The following PLEKHA4 variants were observed in gnomAD, a reference collection of about 807,000 sequenced individuals.
PLEKHA4 encodes pleckstrin homology domain-containing family A member 4.
A neutral mutation model predicts 94.7 loss-of-function variants in PLEKHA4; 73 were observed. That is an observed-to-expected ratio of 0.77 (90% CI 0.64 to 0.94). The LOEUF (loss-of-function observed/expected upper bound fraction) is 0.94, where lower values mean the gene tolerates loss of function less well. PLEKHA4 is among the 40% of genes least tolerant of loss of function. PLEKHA4 has a pLI of 0.00. For missense variants in PLEKHA4, 1,049 were observed against 1,054.1 expected (o/e 1.00, Z 0.07); for synonymous variants, 449 against 437.1 (o/e 1.03, Z -0.34).
chr19:48,865,915 G>A (rs2036816856), intron 2 of PLEKHA4, among the ~76,000 whole-genome samples: 1 of 151,840 alleles, frequency 6.6e-6, no homozygotes, highest in Non-Finnish European at 1.5e-5. Context: ...TCGGGAGGCT[G>A]AGGCAGGAGA....
chr19:48,865,895 T>G (rs1452513736), intron 2 of PLEKHA4, among the ~76,000 whole-genome samples: 1 of 151,188 alleles, frequency 6.6e-6, no homozygotes, highest in African/African-American at 2.4e-5. Flanking sequence ...GCGCCTGTAG[T>G]CCCAGCTACT....
chr19:48,865,724 T>C (rs2036808588), intron 2 of PLEKHA4, 114 bp from the exon 3 acceptor site: 1 of 676,782 alleles, frequency 1.5e-6, no homozygotes, highest in South Asian at 1.9e-5. Flanking sequence ...GAGAAATGGG[T>C]CAAGGACCAG....
intron 5 of PLEKHA4, 124 bp from the exon 6 acceptor site, chr19:48,860,583 G>C (rs2036597340): frequency 1.4e-6 from 1 of 701,444 alleles, no homozygotes. Flanking sequence ...GATGGCTTGA[G>C]ACCAGCCTAG....
intron 14 of PLEKHA4, 152 bp downstream of exon 14, chr19:48,847,748 A>C (rs1312620040): frequency 7.5e-6 from 7 of 935,920 alleles, no homozygotes; most frequent in Non-Finnish European, 1.0e-5. Flanking sequence ...ACCCCCGAAA[A>C]AAAAGAAAAC....
intron 2 of PLEKHA4, among the ~76,000 whole-genome samples, chr19:48,866,576 G>A (rs1009905809): frequency 3.3e-5 from 5 of 152,194 alleles, no homozygotes; most frequent in Non-Finnish European, 7.3e-5. Context: ...TAAAGTGCTG[G>A]GATTATAGGC....
intron 2 of PLEKHA4, 51 bp from the exon 3 acceptor site, chr19:48,865,661 G>T: frequency 7.4e-7 from 1 of 1,349,492 alleles, no homozygotes; most frequent in Non-Finnish European, 1.1e-6. Flanking sequence ...GGATGGTCCT[G>T]GGAGGGGGTG....
rs2035578110 is a variant in PLEKHA4, at chr19:48,837,513, C to A, written c.2116G>T (p.Val706Leu). 4.3e-6 allele frequency: 7 copies of A among 1,613,062 alleles called. No individual in the cohort carries two copies. The highest frequency in any genetic ancestry group is 1.3e-5 in the African/African-American group (1 of 74,874). Reference protein sequence around the residue: ...LDSQGDPLPGVPLPPSDPTRQ... With the variant: ...LDSQGDPLPGLPLPPSDPTRQ... ...GTGGGGTCCGAAGGAGGCAGCGGCA[C>A]ACCGGGAAGAGGGTCTCCCTGGGAG... The change falls in exon 20 of 20, where the codon GTG becomes TTG. Residue 706 changes from valine (V) to leucine (L), a missense_variant. Physicochemically the swap from Val to Leu is conservative, Grantham distance 32. Coordinates refer to ENST00000263265, the MANE Select transcript of PLEKHA4 (RefSeq NM_020904.3). The surrounding 1 kb of genome is among the most constrained non-coding windows in gnomAD (Gnocchi z 4.3).
At chr19:48,859,233 T>C (rs2036545918) in intron 7 of PLEKHA4, 94 bp from the exon 8 acceptor site, 2 of 1,056,284 alleles carry the variant, frequency 1.9e-6, no homozygotes, top group East Asian at 2.6e-5. Context: ...CATGTCTCAC[T>C]TCACTGTGTC....
At chr19:48,851,989 C>CGA in intron 13 of PLEKHA4, among the ~76,000 whole-genome samples, 1 of 151,638 alleles carries the variant, frequency 6.6e-6, no homozygotes, top group African/African-American at 2.4e-5. Flanking sequence ...GATAACAGCT[C>CGA]GAGAAAACGG....
intron 17 of PLEKHA4, among the ~76,000 whole-genome samples, chr19:48,840,725 G>A (rs548847612): frequency 1.5e-4 from 23 of 152,108 alleles, no homozygotes; most frequent in South Asian, 1.0e-3. Context: ...ATGCCCGGCC[G>A]AAAAAGGAAA....
In PLEKHA4 at chr19:48,857,410, C is replaced by G; in HGVS notation, c.1047+12G>C. The G allele has an allele frequency of 6.8e-7, 1 of 1,468,540 alleles. No individual in the cohort carries two copies. The highest frequency in any genetic ancestry group is 9.2e-7 in the Non-Finnish European group (1 of 1,081,856). 91.0% of individuals were successfully genotyped at this position (1,468,540 alleles called of 1,614,324 possible). On this transcript the variant is annotated intron_variant, in intron 9 of 19. Coordinates refer to ENST00000263265, the MANE Select transcript of PLEKHA4 (RefSeq NM_020904.3). ...GGGCTCCGGTAGATTTAGGGTACTCCAGGATACCTACCAATAAAACCATGG... is the reference window on the plus strand; with the variant it reads ...GGGCTCCGGTAGATTTAGGGTACTCGAGGATACCTACCAATAAAACCATGG...
chr19:48,852,216 G>C lies in PLEKHA4; in HGVS notation c.1425+12C>G. ...TGGGGGTGGGTCTTGGGGTCTCCAA[G>C]CAGCGATTTACCTGGGGAGAACCAA... On this transcript the variant is annotated intron_variant, in intron 13 of 19. Coordinates refer to ENST00000263265, the MANE Select transcript of PLEKHA4 (RefSeq NM_020904.3). The C allele has an allele frequency of 6.2e-7, 1 of 1,609,352 alleles. No homozygotes were observed. The highest frequency in any genetic ancestry group is 8.5e-7 in the Non-Finnish European group (1 of 1,175,680).
intron 13 of PLEKHA4, among the ~76,000 whole-genome samples, chr19:48,849,044 C>T (rs34079307): frequency 0.14 from 21,877 of 151,770 alleles, 1,979 homozygotes; most frequent in African/African-American, 0.25. Context: ...GGACCACAGG[C>T]GTGCACAACC....
intron 13 of PLEKHA4, 30 bp downstream of exon 13, chr19:48,852,198 G>A (rs765425467): frequency 8.0e-5 from 122 of 1,530,138 alleles, no homozygotes; most frequent in East Asian, 1.1e-4. Context: ...AGTTGGGGGT[G>A]GGTCTTGGGG....
At chr19:48,851,594 C>T (rs192800281) in intron 13 of PLEKHA4, among the ~76,000 whole-genome samples, 3 of 151,560 alleles carry the variant, frequency 2.0e-5, no homozygotes, top group Non-Finnish European at 2.9e-5. Flanking sequence ...CCAGCCCGGG[C>T]AACAAGAGTA....
At chr19:48,854,696 CTTTTTTTTTTTTTTT>C (rs397859722) in intron 9 of PLEKHA4, among the ~76,000 whole-genome samples, 1 of 81,322 alleles carries the variant, frequency 1.2e-5, no homozygotes, top group Non-Finnish European at 2.3e-5. Flanking sequence ...CATGCCTGGC[CTTTTTTTTTTTTTTT>C]TTTTTTTTTT....
At chr19:48,865,399 G>T in intron 3 of PLEKHA4, 104 bp downstream of exon 3, 1 of 727,164 alleles carries the variant, frequency 1.4e-6, no homozygotes, top group Non-Finnish European at 2.4e-6. Flanking sequence ...GAGGGGCAGT[G>T]ATAGCAAGAA....
In PLEKHA4 at chr19:48,857,460, G is replaced by C. The variant is rs1431938990; in HGVS notation, c.1009C>G (p.Pro337Ala). 7 of 1,567,650 alleles carry C rather than the reference G, an allele frequency of 4.5e-6. No homozygotes were observed. Among genetic ancestry groups the C allele is most frequent in the Non-Finnish European group, 5.2e-6 (6 of 1,162,372 alleles). ...SGSPTYLQLP[P>A]RPPGTRASMV... ...GAGGCCCGGGTCCCAGGGGGCCGCG[G>C]GGGGAGCTGGAGATAAGTGGGGGAG... Residue 337 changes from proline (P) to alanine (A), a missense_variant, in exon 9 of 20, where the codon CCG becomes GCG. Coordinates refer to ENST00000263265, the MANE Select transcript of PLEKHA4 (RefSeq NM_020904.3).
intron 13 of PLEKHA4, among the ~76,000 whole-genome samples, chr19:48,848,617 C>A (rs2036064952): frequency 6.6e-6 from 1 of 151,312 alleles, no homozygotes; most frequent in Non-Finnish European, 1.5e-5. Context: ...ACATGGTGAA[C>A]CCTCGTGTCT....
Sources: gnomAD v4.1 joint callset for allele counts (sites outside exome capture counted in the v4.1 genomes callset) on GRCh38, gnomAD v4.1.1 for gene constraint, Gnocchi (gnomAD v3.1) non-coding constraint, MANE v1.5 for transcripts, NCBI Gene and HGNC (gene_info 2026-07-23, HGNC 2026-07-21) for gene names.